ZNF385D: variants seen among roughly 807,000 people sequenced by gnomAD.
The protein encoded by ZNF385D is zinc finger protein 385D.
ZNF385D carries 15 observed loss-of-function variants against 35.8 expected under a neutral mutation model. The ratio of observed to expected loss-of-function variants is 0.42; its 90% CI spans 0.28 to 0.64. The LOEUF (loss-of-function observed/expected upper bound fraction) is 0.64, where lower values mean the gene tolerates loss of function less well. Among genes scored for constraint, ZNF385D ranks in the 30% least tolerant of loss-of-function variants. The pLI, the probability that ZNF385D is intolerant of heterozygous loss-of-function variation, is 0.23. For missense variants in ZNF385D, 474 were observed against 494.6 expected (o/e 0.96, Z 0.39); for synonymous variants, 212 against 186.8 (o/e 1.13, Z -1.10).
intron 2 of ZNF385D, among the ~76,000 whole-genome samples, chr3:22,317,256 G>A (rs1318989027): frequency 1.3e-5 from 1 of 75,424 alleles, no homozygotes; most frequent in African/African-American, 5.7e-5. Context: ...TCCAGCCTGG[G>A]AAACAAGAGT....
chr3:21,427,926 C>G (rs1026441068), intron 5 of ZNF385D, among the ~76,000 whole-genome samples: 4 of 151,900 alleles, frequency 2.6e-5, no homozygotes, highest in African/African-American at 7.3e-5. Context: ...AAAAATGTGG[C>G]AACATTGGGG....
chr3:21,596,460 T>G (rs1383468945), intron 2 of ZNF385D, among the ~76,000 whole-genome samples: 1 of 152,112 alleles, frequency 6.6e-6, no homozygotes, highest in East Asian at 1.9e-4. Context: ...GTCAAATATA[T>G]TCTCATTTTT....
intron 3 of ZNF385D, among the ~76,000 whole-genome samples, chr3:21,864,977 G>A (rs932102898): frequency 1.1e-5 from 1 of 94,502 alleles, no homozygotes; most frequent in African/African-American, 4.1e-5. Flanking sequence ...GCCAACCTAC[G>A]TTTGGAACAA....
At chr3:21,661,095 C>A (rs2066225879) in intron 2 of ZNF385D, among the ~76,000 whole-genome samples, 1 of 152,158 alleles carries the variant, frequency 6.6e-6, no homozygotes, top group Non-Finnish European at 1.5e-5. Flanking sequence ...TCCATGACTC[C>A]ATGAAAGAGA....
intron 3 of ZNF385D, among the ~76,000 whole-genome samples, chr3:21,828,717 T>C (rs962928309): frequency 6.6e-6 from 1 of 152,224 alleles, no homozygotes; most frequent in African/African-American, 2.4e-5. Flanking sequence ...ACAATGCAAA[T>C]TTTTTATCTT....
intron 3 of ZNF385D, among the ~76,000 whole-genome samples, chr3:21,913,950 G>A (rs546291047): frequency 1.6e-4 from 25 of 152,068 alleles, no homozygotes; most frequent in Non-Finnish European, 2.9e-4. Flanking sequence ...TAATCAGTTT[G>A]TATTATGTGG....
At chr3:21,593,542 C>T (rs1166311432) in intron 2 of ZNF385D, among the ~76,000 whole-genome samples, 2 of 152,040 alleles carry the variant, frequency 1.3e-5, no homozygotes, top group Admixed American at 1.3e-4. Flanking sequence ...AAGCCTTTTG[C>T]CATCTCTTGC....
intron 4 of ZNF385D, among the ~76,000 whole-genome samples, chr3:21,440,557 TG>T (rs2125244190): frequency 6.6e-6 from 1 of 152,146 alleles, no homozygotes; most frequent in African/African-American, 2.4e-5. Flanking sequence ...GGTAAAAACT[TG>T]GAAAATCAAA....
At chr3:22,171,813 C>G (rs200398765) in intron 2 of ZNF385D, among the ~76,000 whole-genome samples, 1 of 145,272 alleles carries the variant, frequency 6.9e-6, no homozygotes, top group African/African-American at 2.6e-5. Flanking sequence ...GGAGGTAGAG[C>G]TTGCAGTGAG....
At position 22,350,486 on chromosome 3, in the gene ZNF385D, C is replaced by T. The variant is rs182083231; in HGVS notation, c.106+21964G>A. The stretch of plus-strand genomic sequence containing the variant: ...GTTCTAACTATGAGCATTTGTAGCA[C>T]CAGTCCATGATAAATCTGTGTGTAT... On this transcript the variant is annotated intron_variant, in intron 2 of 5. Transcript: ENST00000494108. Among the ~76,000 whole-genome samples the T allele has an allele frequency of 3.2e-3, 488 of 152,162 alleles. 3 individuals are homozygous for T. The highest frequency in any genetic ancestry group is 0.01 in the Middle Eastern group (3 of 294).
chr3:22,296,250 G>A (rs563024185), intron 2 of ZNF385D, among the ~76,000 whole-genome samples: 2 of 152,290 alleles, frequency 1.3e-5, no homozygotes, highest in East Asian at 3.9e-4. Context: ...GGATTCTACA[G>A]TTCAGGCAGG....
intron 3 of ZNF385D, among the ~76,000 whole-genome samples, chr3:22,014,609 T>C (rs1022540157): frequency 1.3e-5 from 2 of 151,934 alleles, no homozygotes. Context: ...CAGAAATATA[T>C]ACTCAGAAAA....
intron 3 of ZNF385D, among the ~76,000 whole-genome samples, chr3:21,765,380 T>C (rs2335511): frequency 0.81 from 122,681 of 152,018 alleles, 50,036 homozygotes; most frequent in East Asian, 0.98. Context: ...GGGGAAATGC[T>C]TATTTCATAT....
chr3:21,817,150 G>A (rs2073186256), intron 3 of ZNF385D, among the ~76,000 whole-genome samples: 1 of 152,124 alleles, frequency 6.6e-6, no homozygotes, highest in Admixed American at 6.5e-5. Context: ...TGTGAACTTG[G>A]ATCCCTTCTT....
chr3:22,096,132 A>G (rs1411540414), intron 3 of ZNF385D, among the ~76,000 whole-genome samples: 1 of 151,832 alleles, frequency 6.6e-6, no homozygotes, highest in Non-Finnish European at 1.5e-5. Flanking sequence ...AAAAAAATAT[A>G]TATACATGTT....
intron 3 of ZNF385D, among the ~76,000 whole-genome samples, chr3:22,089,725 G>T (rs1402052606): frequency 6.6e-6 from 1 of 152,154 alleles, no homozygotes; most frequent in African/African-American, 2.4e-5. Flanking sequence ...TGCTATCTCA[G>T]CCCAAAGGGT....
chr3:21,801,954 T>G (rs1483800689), intron 3 of ZNF385D, among the ~76,000 whole-genome samples: 3 of 152,170 alleles, frequency 2.0e-5, no homozygotes, highest in African/African-American at 7.2e-5. Context: ...GGGTGTTTTT[T>G]CCTGCTGTAT....
chr3:21,747,758 G>C (rs1207025790), intron 1 of ZNF385D, among the ~76,000 whole-genome samples: 1 of 152,168 alleles, frequency 6.6e-6, no homozygotes, highest in Non-Finnish European at 1.5e-5. Context: ...TAACTGGGCA[G>C]CTCAGTCCAT....
rs60591418 is a variant in ZNF385D at position 22,232,200 on chromosome 3, T to A, written c.107-63165A>T. ...TTGTGAAATCTCCAATAGGAGATCA[T>A]CTGGAATCATTATCCCCCTACCTTT... On this transcript the variant is annotated intron_variant, in intron 2 of 5. Transcript: ENST00000494108. Among the ~76,000 whole-genome samples, 788 of 152,298 alleles carry A rather than the reference T, an allele frequency of 5.2e-3. 12 individuals carry two copies. The highest frequency in any genetic ancestry group is 0.018 in the African/African-American group (738 of 41,570).
Sources: allele counts gnomAD v4.1 joint callset (sites outside exome capture counted in the v4.1 genomes callset), GRCh38; gene constraint gnomAD v4.1.1; transcripts MANE v1.5; gene names NCBI Gene and HGNC (gene_info 2026-07-23, HGNC 2026-07-21).